The following MYO7B variants were observed in gnomAD, a reference collection of about 807,000 sequenced individuals.
MYO7B encodes unconventional myosin-VIIb.
MYO7B carries 212 observed loss-of-function variants against 259.7 expected under a neutral mutation model. The observed-to-expected ratio is 0.82, with a 90% CI of 0.73 to 0.91. The LOEUF (loss-of-function observed/expected upper bound fraction) is 0.91. Ranked by LOEUF, MYO7B falls within the 40% of genes least tolerant of loss-of-function variation. MYO7B has a pLI of 0.00. For missense variants in MYO7B, 2,732 were observed against 2,813.5 expected (o/e 0.97, Z 0.66); for synonymous variants, 1,197 against 1,166.4 (o/e 1.03, Z -0.54).
rs769169587 is a variant in MYO7B, at chr2:127,566,668, C to T, written c.311C>T (p.Ala104Val). The change falls in exon 5 of 48, where the codon GCC (alanine) becomes GTC (valine). Residue 104 changes from alanine (A) to valine (V), a missense_variant. Coordinates refer to ENST00000409816, the MANE Select transcript of MYO7B (RefSeq NM_001393586.1). ...IYTYTGSILV[A>V]VNPFQVLPLY... ...ACATACACAGGCTCCATCCTGGTGG[C>T]CGTCAACCCGTTCCAGGTGCTGCCG... is the stretch of plus-strand genomic sequence containing the variant. 7 of 1,596,936 alleles carry T rather than the reference C, an allele frequency of 4.4e-6. No individual in the cohort carries two copies. The highest frequency in any genetic ancestry group is 5.1e-6 in the Non-Finnish European group (6 of 1,172,834).
intron 31 of MYO7B, chr2:127,626,253 T>A (rs560520430): frequency 1.6e-3 from 236 of 150,624 alleles, no homozygotes; most frequent in Non-Finnish European, 2.9e-3. Context: ...ACAGAAGAGC[T>A]CCAGAGAAGA....
intron 2 of MYO7B, among the ~76,000 whole-genome samples, chr2:127,561,878 A>C (rs112362217): frequency 4.6e-5 from 7 of 152,184 alleles, no homozygotes; most frequent in African/African-American, 1.4e-4. Flanking sequence ...CTGGAAGTCC[A>C]AGGTCAAGGT....
At chr2:127,581,015 AGCG>A (rs2104932210) in intron 10 of MYO7B, among the ~76,000 whole-genome samples, 193 bp downstream of exon 10, 1 of 152,242 alleles carries the variant, frequency 6.6e-6, no homozygotes, top group South Asian at 2.1e-4. Flanking sequence ...TGCCAAACAG[AGCG>A]GCGGAATGGC....
rs911930797 is a variant in MYO7B at position 127,607,824 on chromosome 2, C to T, written c.2643+400C>T. ...GAACCTGGAAGGTGAGCTCAGGTCC[C>T]CTCCCTTTCACCTTGGAGATGATTT... On this transcript the variant is annotated intron_variant, in intron 21 of 47. Transcript: ENST00000409816. This position sits in a 1 kb window ranked among gnomAD's most constrained non-coding sequence, Gnocchi z 4.4. Among the ~76,000 whole-genome samples, 2 of 152,158 alleles carry T rather than the reference C, an allele frequency of 1.3e-5. No individual in the cohort carries two copies. Among genetic ancestry groups the T allele is most frequent in the Admixed American group, 6.5e-5 (1 of 15,280 alleles).
chr2:127,539,208 C>T lies in MYO7B; in HGVS notation c.-24+3377C>T, dbSNP rs188178433. On this transcript the variant is annotated intron_variant, in intron 1 of 47. Coordinates refer to ENST00000409816, the MANE Select transcript of MYO7B (RefSeq NM_001393586.1). The surrounding 1 kb of genome is among the most constrained non-coding windows in gnomAD (Gnocchi z 4.0). ...GTGATATGAGGCAGCTTACAGTATA[C>T]CTATAATACAACAGAATCAAAAATA... 2.0e-5 allele frequency among the ~76,000 whole-genome samples: 3 copies of T among 152,118 alleles called. No homozygotes were observed. Among genetic ancestry groups the T allele is most frequent in the African/African-American group, 7.2e-5 (3 of 41,502 alleles).
chr2:127,552,579 T>A (rs1693485786), intron 1 of MYO7B, among the ~76,000 whole-genome samples: 1 of 152,058 alleles, frequency 6.6e-6, no homozygotes, highest in Non-Finnish European at 1.5e-5. Context: ...TGACAGGCCA[T>A]GTGGGGAATG....
rs971386235 is a variant in MYO7B, at chr2:127,546,616, C to A, written c.-24+10785C>A. Among the ~76,000 whole-genome samples, 1 of 152,190 alleles carries A rather than the reference C, an allele frequency of 6.6e-6. No homozygotes were observed. The highest frequency in any genetic ancestry group is 1.5e-5 in the Non-Finnish European group (1 of 68,036). ...CCCTGAGATTAGGTAGGACACTGAT[C>A]CCCGTAAGCTCAGCCACACTGACCT... On this transcript the variant is annotated intron_variant, in intron 1 of 47. Coordinates refer to ENST00000409816, the MANE Select transcript of MYO7B (RefSeq NM_001393586.1). This position sits in a 1 kb window ranked among gnomAD's most constrained non-coding sequence, Gnocchi z 4.2.
intron 5 of MYO7B, among the ~76,000 whole-genome samples, chr2:127,568,548 C>T (rs1678454017): frequency 6.6e-6 from 1 of 152,212 alleles, no homozygotes; most frequent in South Asian, 2.1e-4. Flanking sequence ...TTGTTGATCT[C>T]ACTCTGCTTT....
intron 2 of MYO7B, among the ~76,000 whole-genome samples, chr2:127,561,327 C>T (rs10208590): frequency 0.038 from 5,817 of 151,842 alleles, 408 homozygotes; most frequent in African/African-American, 0.13. Flanking sequence ...TGCGCAATCT[C>T]GGCTCACTGC....
intron 1 of MYO7B, among the ~76,000 whole-genome samples, chr2:127,536,416 C>A (rs1692778711): frequency 6.7e-6 from 1 of 148,166 alleles, no homozygotes; most frequent in African/African-American, 2.5e-5. Flanking sequence ...GCTTTAGTCA[C>A]CTCTGGAAGG....
At chr2:127,616,197 A>C (rs973140601) in intron 26 of MYO7B, among the ~76,000 whole-genome samples, 2 of 152,198 alleles carry the variant, frequency 1.3e-5, no homozygotes, top group Admixed American at 1.3e-4. Flanking sequence ...AAAACAAATC[A>C]AGAGTTTATC....
chr2:127,592,323 A>G (rs1309940544), intron 16 of MYO7B, among the ~76,000 whole-genome samples: 1 of 152,222 alleles, frequency 6.6e-6, no homozygotes, highest in African/African-American at 2.4e-5. Context: ...TGCACCCAGG[A>G]GGCAGAGGTT....
intron 29 of MYO7B, among the ~76,000 whole-genome samples, chr2:127,623,832 G>A (rs1352358345): frequency 2.6e-5 from 4 of 152,198 alleles, no homozygotes; most frequent in African/African-American, 9.7e-5. Context: ...CCGAGGCGCC[G>A]GATGAGTCAC....
rs775546334 is a variant in MYO7B, at chr2:127,573,953, A to G, written c.626A>G (p.Asn209Ser). The stretch of plus-strand genomic sequence containing the variant: ...AATGCCAAGACAATCCGCAACGACA[A>G]CTCAAGCCGCTTTGGGAAGTACATT... ...FGNAKTIRND[N>S]SSRFGKYIDI... Residue 209 changes from asparagine to serine, a missense_variant, in exon 7 of 48, where the codon AAC (asparagine) becomes AGC (serine). Transcript: ENST00000409816. 6.2e-7 allele frequency: 1 copy of G among 1,613,808 alleles called. No homozygotes were observed.
At chr2:127,560,959 T>C (rs1247062812) in intron 2 of MYO7B, among the ~76,000 whole-genome samples, 1 of 152,156 alleles carries the variant, frequency 6.6e-6, no homozygotes, top group African/African-American at 2.4e-5. Context: ...AGTTACAGAA[T>C]AGAGCTTAGG....
intron 19 of MYO7B, among the ~76,000 whole-genome samples, chr2:127,603,978 A>C (rs1414413916): frequency 6.6e-6 from 1 of 152,112 alleles, no homozygotes; most frequent in Non-Finnish European, 1.5e-5. Flanking sequence ...CTAAAAATAC[A>C]AAAAATTAGC....
rs34864324 is a variant in MYO7B, at chr2:127,572,416, CA to C, written c.593-1489del. The stretch of plus-strand genomic sequence containing the variant: ...CCTGGGCGACAGAGTGAGACTGTCT[CA>C]AAAAAAAAAAAAAAGACTTTTCTGT... On this transcript the variant is annotated intron_variant, in intron 6 of 47. Transcript: ENST00000409816. Among the ~76,000 whole-genome samples, 18 of 78,800 alleles carry C rather than the reference CA, an allele frequency of 2.3e-4. 1 individual carries two copies. The highest frequency in any genetic ancestry group is 2.8e-4 in the Non-Finnish European group (10 of 36,288). The allele number at this position is 78,800 out of a possible 152,430, so 51.7% of individuals were successfully genotyped here.
intron 27 of MYO7B, among the ~76,000 whole-genome samples, chr2:127,621,049 C>G (rs1024929512): frequency 1.3e-5 from 2 of 152,212 alleles, no homozygotes; most frequent in Admixed American, 1.3e-4. Flanking sequence ...ACAGAAAACA[C>G]TTTCTCACAT....
At chr2:127,603,828 T>C (rs1382160027) in intron 19 of MYO7B, among the ~76,000 whole-genome samples, 1 of 152,186 alleles carries the variant, frequency 6.6e-6, no homozygotes, top group Non-Finnish European at 1.5e-5. Flanking sequence ...TATAAGGCTG[T>C]TTTGTCTACA....
Sources: allele counts gnomAD v4.1 joint callset (sites outside exome capture counted in the v4.1 genomes callset), GRCh38; gene constraint gnomAD v4.1.1; non-coding constraint Gnocchi (gnomAD v3.1); transcripts MANE v1.5; gene names NCBI Gene and HGNC (gene_info 2026-07-23, HGNC 2026-07-21).